The following CNTNAP2 variants were observed in gnomAD, a reference collection of about 807,000 sequenced individuals.
CNTNAP2 encodes contactin-associated protein-like 2.
In CNTNAP2, 98 loss-of-function variants were observed where a neutral mutation model predicts 155.2. The ratio of observed to expected loss-of-function variants is 0.63; its 90% CI spans 0.54 to 0.75. The LOEUF is 0.75. CNTNAP2 is among the 30% of genes least tolerant of loss of function. CNTNAP2 has a pLI of 0.00. For synonymous variants in CNTNAP2, 651 were observed against 631.2 expected (o/e 1.03, Z -0.47); for missense variants, 1,727 against 1,688.1 (o/e 1.02, Z -0.40).
At chr7:147,607,440 A>T (rs186373372) in intron 12 of CNTNAP2, among the ~76,000 whole-genome samples, 3 of 151,148 alleles carry the variant, frequency 2.0e-5, no homozygotes, top group African/African-American at 7.3e-5. Flanking sequence ...CTTCTTTCTA[A>T]TGTAAATAAT....
intron 12 of CNTNAP2, among the ~76,000 whole-genome samples, chr7:147,632,045 A>T (rs78656068): frequency 6.6e-6 from 1 of 152,168 alleles, no homozygotes; most frequent in Non-Finnish European, 1.5e-5. Flanking sequence ...TAAACAGACA[A>T]CCCACAGTGG....
chr7:148,149,355 G>A (rs941486665), intron 17 of CNTNAP2, among the ~76,000 whole-genome samples: 1 of 151,940 alleles, frequency 6.6e-6, no homozygotes, highest in African/African-American at 2.4e-5. Flanking sequence ...AAAGAGCAAG[G>A]GCCTGAGATC....
At chr7:147,642,888 T>C (rs1795303777) in intron 13 of CNTNAP2, among the ~76,000 whole-genome samples, 1 of 152,236 alleles carries the variant, frequency 6.6e-6, no homozygotes, top group Non-Finnish European at 1.5e-5. Context: ...GATTTGTACT[T>C]AACAAATGTT....
intron 3 of CNTNAP2, among the ~76,000 whole-genome samples, chr7:146,998,776 T>G (rs1190956569): frequency 6.6e-6 from 1 of 151,972 alleles, no homozygotes; most frequent in Non-Finnish European, 1.5e-5. Context: ...ATAATGACCT[T>G]TTTGTCTCTT....
intron 1 of CNTNAP2, among the ~76,000 whole-genome samples, chr7:146,391,267 T>C (rs1584903014): frequency 6.6e-6 from 1 of 151,748 alleles, no homozygotes; most frequent in East Asian, 1.9e-4. Context: ...GAGTAACCAA[T>C]AAACAAAGCA....
rs145309544 is a variant in CNTNAP2, at chr7:146,330,827, C to T, written c.97+213854C>T. On this transcript the variant is annotated intron_variant, in intron 1 of 23. Coordinates refer to ENST00000361727, the MANE Select transcript of CNTNAP2 (RefSeq NM_014141.6). Reference sequence around the variant, plus strand: ...TAAATTTGCCTATTGGCAGTATGTGCTAGTAATATATTACATGTCCGGGCC... The same window carrying T: ...TAAATTTGCCTATTGGCAGTATGTGTTAGTAATATATTACATGTCCGGGCC... Among the ~76,000 whole-genome samples, 1,021 of 152,266 alleles carry T rather than the reference C, an allele frequency of 6.7e-3. 13 individuals are homozygous for T. Among genetic ancestry groups the T allele is most frequent in the African/African-American group, 0.022 (916 of 41,538 alleles).
chr7:147,358,284 T>G (rs538308927), intron 9 of CNTNAP2, among the ~76,000 whole-genome samples: 42 of 152,238 alleles, frequency 2.8e-4, no homozygotes, highest in Non-Finnish European at 5.0e-4. Flanking sequence ...TTTTGGGTGG[T>G]CTTATTTTCC....
chr7:147,514,690 T>C (rs1016140468), intron 11 of CNTNAP2, among the ~76,000 whole-genome samples: 2 of 151,714 alleles, frequency 1.3e-5, no homozygotes. Context: ...TAAGAACTTA[T>C]CCACAGTGAG....
chr7:146,981,945 C>T (rs760870098), intron 3 of CNTNAP2, among the ~76,000 whole-genome samples: 4 of 152,170 alleles, frequency 2.6e-5, no homozygotes, highest in Non-Finnish European at 5.9e-5. Context: ...GCCATTACAG[C>T]ATGAAAGCAG....
At chr7:147,374,264 T>C (rs1796398030) in intron 9 of CNTNAP2, among the ~76,000 whole-genome samples, 1 of 152,102 alleles carries the variant, frequency 6.6e-6, no homozygotes, top group Non-Finnish European at 1.5e-5. Context: ...TATAAAGAAA[T>C]TTGGCCCTTT....
chr7:147,542,375 C>T (rs985821466), intron 11 of CNTNAP2, among the ~76,000 whole-genome samples: 1 of 151,796 alleles, frequency 6.6e-6, no homozygotes, highest in Non-Finnish European at 1.5e-5. Context: ...AGTGACATCA[C>T]CTGGGCAGGC....
At chr7:147,276,973 C>T (rs751067043) in intron 8 of CNTNAP2, among the ~76,000 whole-genome samples, 4 of 151,948 alleles carry the variant, frequency 2.6e-5, no homozygotes, top group Non-Finnish European at 5.9e-5. Context: ...TGCTGTTAGA[C>T]GTGAAAACCA....
chr7:147,372,586 A>T (rs1796365411), intron 9 of CNTNAP2, among the ~76,000 whole-genome samples: 1 of 152,120 alleles, frequency 6.6e-6, no homozygotes, highest in Non-Finnish European at 1.5e-5. Flanking sequence ...AGCACTCAAT[A>T]CTCAGTATCA....
At chr7:146,845,950 A>G (rs758613520) in intron 3 of CNTNAP2, among the ~76,000 whole-genome samples, 3 of 152,212 alleles carry the variant, frequency 2.0e-5, no homozygotes, top group South Asian at 2.1e-4. Context: ...CTTTCTTTTC[A>G]GCCATTTGTT....
intron 15 of CNTNAP2, among the ~76,000 whole-genome samples, chr7:147,978,407 A>T (rs1376536788): frequency 6.6e-6 from 1 of 152,092 alleles, no homozygotes; most frequent in Non-Finnish European, 1.5e-5. Context: ...GTATCATTGT[A>T]AACTTGGATT....
chr7:147,415,354 C>G (rs1437148535), intron 10 of CNTNAP2, among the ~76,000 whole-genome samples: 1 of 152,234 alleles, frequency 6.6e-6, no homozygotes, highest in Non-Finnish European at 1.5e-5. Context: ...CAAATCTCAT[C>G]TTGAATTGTC....
chr7:148,217,565 G>A, intron 19 of CNTNAP2, 41 bp downstream of exon 19: 6 of 1,589,796 alleles, frequency 3.8e-6, no homozygotes, highest in Non-Finnish European at 5.2e-6. Context: ...TTAACATTTG[G>A]GCAGACAGAA....
intron 16 of CNTNAP2, 91 bp downstream of exon 16, chr7:148,118,379 A>T: frequency 1.4e-6 from 2 of 1,382,896 alleles, no homozygotes; most frequent in Non-Finnish European, 2.0e-6. Flanking sequence ...TTTTGATTCA[A>T]ACGTGGAAGG....
chr7:146,198,787 G>T (rs867815750), intron 1 of CNTNAP2, among the ~76,000 whole-genome samples: 190 of 148,778 alleles, frequency 1.3e-3, no homozygotes, highest in African/African-American at 4.4e-3. Flanking sequence ...TTTTTTTTTT[G>T]TTTTATCATT....
Sources: allele counts gnomAD v4.1 joint callset (sites outside exome capture counted in the v4.1 genomes callset), GRCh38; gene constraint gnomAD v4.1.1; transcripts MANE v1.5; gene names NCBI Gene and HGNC (gene_info 2026-07-23, HGNC 2026-07-21).